SUMF1: variants seen among roughly 807,000 people sequenced by gnomAD.
SUMF1 encodes the protein sulfatase modifying factor 1, also known as formylglycine-generating enzyme.
A neutral mutation model predicts 47.6 loss-of-function variants in SUMF1; 48 were observed. The observed-to-expected ratio is 1.01, with a 90% CI of 0.80 to 1.28. The LOEUF is 1.28. Ranked by LOEUF, SUMF1 falls within the 50% of genes most tolerant of loss-of-function variation. The pLI is 0.00. For missense variants in SUMF1, 571 were observed against 485.4 expected (o/e 1.18, Z -1.66); for synonymous variants, 230 against 192.1 (o/e 1.20, Z -1.63).
chr3:4,101,526 C>T (rs982848660), intron 8 of SUMF1, among the ~76,000 whole-genome samples: 1 of 151,996 alleles, frequency 6.6e-6, no homozygotes, highest in Non-Finnish European at 1.5e-5. Context: ...AGAGCTTGGT[C>T]AACAGACACA....
chr3:4,433,273 C>T (rs865799143), intron 3 of SUMF1, among the ~76,000 whole-genome samples: 1 of 152,218 alleles, frequency 6.6e-6, no homozygotes, highest in African/African-American at 2.4e-5. Context: ...TTTAAGGTCA[C>T]ATTAAACAGG....
chr3:4,040,641 G>A (rs1694891568), intron 9 of SUMF1, among the ~76,000 whole-genome samples: 1 of 152,168 alleles, frequency 6.6e-6, no homozygotes, highest in East Asian at 1.9e-4. Flanking sequence ...CTAAAGAAGT[G>A]AAGAATGTCT....
At chr3:4,411,719 A>G (rs1260846593) in intron 6 of SUMF1, among the ~76,000 whole-genome samples, 1 of 151,896 alleles carries the variant, frequency 6.6e-6, no homozygotes, top group African/African-American at 2.4e-5. Context: ...AAAAAAAAAA[A>G]AAAACTTTAA....
intron 8 of SUMF1, among the ~76,000 whole-genome samples, chr3:4,129,032 G>A (rs1228162678): frequency 6.6e-6 from 1 of 152,162 alleles, no homozygotes; most frequent in Non-Finnish European, 1.5e-5. Flanking sequence ...GGATGGTGGA[G>A]TGGATTAGTC....
At chr3:4,070,804 T>C (rs79793577) in intron 8 of SUMF1, among the ~76,000 whole-genome samples, 6,298 of 152,078 alleles carry the variant, frequency 0.041, 406 homozygotes, top group East Asian at 0.19. Flanking sequence ...CCTAATTTTT[T>C]GCATATTTAG....
rs61582064 is a variant in SUMF1, at chr3:4,170,378, G to T, written c.1015-101633C>A. 2.0e-5 allele frequency among the ~76,000 whole-genome samples: 3 copies of T among 152,244 alleles called. No homozygotes were observed. In the South Asian group the frequency reaches 6.2e-4, roughly 32 times the overall value. ...ATTTTCTGACTAAAAATATCTGGGG[G>T]TAGGGCCTGAGCATTTGTATTTCTA... is the stretch of plus-strand genomic sequence containing the variant. On this transcript the variant is annotated intron_variant and NMD_transcript_variant, in intron 8 of 12. Transcript: ENST00000448413.
chr3:4,143,977 GTCTTCTCTC>G (rs1694133648), intron 8 of SUMF1, among the ~76,000 whole-genome samples: 1 of 141,684 alleles, frequency 7.1e-6, no homozygotes, highest in South Asian at 2.3e-4. Flanking sequence ...AGTGACCACT[GTCTTCTCTC>G]TCTTTTTTTT....
At chr3:4,185,110 A>G (rs923335063) in intron 8 of SUMF1, among the ~76,000 whole-genome samples, 4 of 152,228 alleles carry the variant, frequency 2.6e-5, no homozygotes, top group South Asian at 4.1e-4. Context: ...AACAAAAAGT[A>G]AAGATTGTTT....
rs1277686977 is a variant in SUMF1, at chr3:4,164,946, C to A, written c.1015-96201G>T. ...CCTTTCCCTAAGTTATCGCGGACAT[C>A]ATCGAATAATTCATGGGCTTTTTCC... On this transcript the variant is annotated intron_variant and NMD_transcript_variant, in intron 8 of 12. Transcript: ENST00000448413. 1.3e-5 allele frequency among the ~76,000 whole-genome samples: 2 copies of A among 152,126 alleles called. 1 individual carries two copies. The highest frequency in any genetic ancestry group is 2.9e-5 in the Non-Finnish European group (2 of 68,028).
At chr3:4,353,669 T>C (rs926125864) in intron 8 of SUMF1, among the ~76,000 whole-genome samples, 8 of 151,982 alleles carry the variant, frequency 5.3e-5, no homozygotes, top group Admixed American at 3.9e-4. Context: ...ACAAACAACA[T>C]CTTAATATTA....
intron 8 of SUMF1, among the ~76,000 whole-genome samples, chr3:4,168,359 T>A (rs927248745): frequency 6.6e-6 from 1 of 152,158 alleles, no homozygotes; most frequent in Non-Finnish European, 1.5e-5. Flanking sequence ...CAAGGATAAA[T>A]ATAAAACTCT....
chr3:4,120,923 A>G (rs17039978), intron 8 of SUMF1, among the ~76,000 whole-genome samples: 7,668 of 152,242 alleles, frequency 0.05, 518 homozygotes, highest in East Asian at 0.15. Flanking sequence ...GATGCAGGAT[A>G]ATTGTGAGGG....
intron 8 of SUMF1, among the ~76,000 whole-genome samples, chr3:4,082,433 C>G (rs1207079795): frequency 1.3e-5 from 2 of 152,036 alleles, no homozygotes; most frequent in Admixed American, 6.5e-5. Context: ...CATGCCACTG[C>G]ACTTCATCCT....
At chr3:4,195,137 GAAT>G (rs1214867438) in intron 8 of SUMF1, among the ~76,000 whole-genome samples, 1 of 152,032 alleles carries the variant, frequency 6.6e-6, no homozygotes, top group Non-Finnish European at 1.5e-5. Flanking sequence ...GCTCATTTAG[GAAT>G]AATAACAAGT....
intron 9 of SUMF1, among the ~76,000 whole-genome samples, chr3:4,038,871 A>G (rs996110675): frequency 5.3e-5 from 8 of 152,206 alleles, no homozygotes; most frequent in African/African-American, 1.9e-4. Context: ...AAAAGAGTTC[A>G]GGGGTTGCGA....
intron 8 of SUMF1, among the ~76,000 whole-genome samples, chr3:4,254,104 C>T (rs529301281): frequency 6.6e-6 from 1 of 151,830 alleles, no homozygotes; most frequent in Non-Finnish European, 1.5e-5. Flanking sequence ...ACACCGAAAA[C>T]CCATCTGTAC....
At chr3:4,079,307 T>C (rs1267998312) in intron 8 of SUMF1, among the ~76,000 whole-genome samples, 2 of 152,104 alleles carry the variant, frequency 1.3e-5, no homozygotes, top group African/African-American at 4.8e-5. Flanking sequence ...AATCATCTAA[T>C]ACAGGGATAA....
chr3:4,273,530 A>C (rs1697345370), intron 8 of SUMF1, among the ~76,000 whole-genome samples: 1 of 152,078 alleles, frequency 6.6e-6, no homozygotes, highest in African/African-American at 2.4e-5. Flanking sequence ...GGATGACTGA[A>C]AATGTCATGA....
At chr3:4,298,661 C>T (rs1378627369) in intron 8 of SUMF1, among the ~76,000 whole-genome samples, 1 of 152,200 alleles carries the variant, frequency 6.6e-6, no homozygotes, top group Non-Finnish European at 1.5e-5. Context: ...CTATCACATT[C>T]TGTAAGTATA....
Sources: gnomAD v4.1 joint callset for allele counts (sites outside exome capture counted in the v4.1 genomes callset) on GRCh38, gnomAD v4.1.1 for gene constraint, MANE v1.5 for transcripts, NCBI Gene and HGNC (gene_info 2026-07-23, HGNC 2026-07-21) for gene names.